The following RUNX1 variants were observed in gnomAD, a reference collection of about 807,000 sequenced individuals.
The protein encoded by RUNX1 is RUNX family transcription factor 1.
A neutral mutation model predicts 42.8 loss-of-function variants in RUNX1; 19 were observed. That is an observed-to-expected ratio of 0.44 (90% CI 0.31 to 0.65). The LOEUF (loss-of-function observed/expected upper bound fraction) is 0.65. RUNX1 is among the 30% of genes least tolerant of loss of function. The pLI, the probability that RUNX1 is intolerant of heterozygous loss-of-function variation, is 0.07. For synonymous variants in RUNX1, 271 were observed against 289.4 expected (o/e 0.94, Z 0.64); for missense variants, 528 against 672.0 (o/e 0.79, Z 2.37).
chr21:34,827,589 T>C (rs2057006204), intron 7 of RUNX1, among the ~76,000 whole-genome samples: 1 of 152,134 alleles, frequency 6.6e-6, no homozygotes, highest in Non-Finnish European at 1.5e-5. Flanking sequence ...CCCAGAGCTC[T>C]AGGAGGGTAG....
chr21:35,025,949 CTA>C (rs2059232959), intron 2 of RUNX1, among the ~76,000 whole-genome samples: 5 of 152,080 alleles, frequency 3.3e-5, no homozygotes, highest in Admixed American at 2.6e-4. Context: ...TGTTTCTACT[CTA>C]TGTTTTCGGA....
In RUNX1 at chr21:34,845,625, A is replaced by C. The variant is rs74739858; in HGVS notation, c.614-11024T>G. Among the ~76,000 whole-genome samples the C allele has an allele frequency of 2.1e-3, 324 of 152,300 alleles. 1 individual carries two copies. The highest frequency in any genetic ancestry group is 0.017 in the Middle Eastern group (5 of 294). On this transcript the variant is annotated intron_variant, in intron 6 of 8. Coordinates refer to ENST00000675419, the MANE Select transcript of RUNX1 (RefSeq NM_001754.5). The stretch of plus-strand genomic sequence containing the variant: ...GTGTGTGAAAGCAAGACCTCAGCTC[A>C]GGGAGACAGCCCTCATAAACTGCCG...
chr21:34,871,585 G>A (rs186774422), intron 5 of RUNX1, among the ~76,000 whole-genome samples: 1 of 152,222 alleles, frequency 6.6e-6, no homozygotes, highest in East Asian at 1.9e-4. Context: ...AAATCATCGT[G>A]CCCTGAATCT....
rs549767659 is a variant in RUNX1 at position 34,938,554 on chromosome 21, TCTCTTCCTTCTCCTC to T, written c.59-45606_59-45592del. Among the ~76,000 whole-genome samples, 15 of 152,110 alleles carry T rather than the reference TCTCTTCCTTCTCCTC, an allele frequency of 9.9e-5. No homozygotes were observed. The South Asian group carries it at 2.5e-3, about 25-fold the overall frequency. ...TCTCCTCCTTCTTCTTCCTCCTCCC[TCTCTTCCTTCTCCTC>T]CTCTTCCTCCTTCTTTTATTCTTGG... is the stretch of plus-strand genomic sequence containing the variant. On this transcript the variant is annotated intron_variant, in intron 2 of 8. Transcript: ENST00000675419.
At chr21:34,943,410 G>A (rs565182061) in intron 2 of RUNX1, among the ~76,000 whole-genome samples, 2 of 152,270 alleles carry the variant, frequency 1.3e-5, no homozygotes, top group Admixed American at 1.3e-4. Context: ...AACAAAGGAT[G>A]CTTAAAACAT....
intron 7 of RUNX1, among the ~76,000 whole-genome samples, chr21:34,820,853 C>G (rs533021140): frequency 6.6e-6 from 1 of 152,228 alleles, no homozygotes; most frequent in South Asian, 2.1e-4. Flanking sequence ...CTGAGGCTAC[C>G]TCTGAGGCAG....
chr21:34,798,654 C>G (rs1446995126), intron 8 of RUNX1, among the ~76,000 whole-genome samples: 2 of 152,124 alleles, frequency 1.3e-5, no homozygotes, highest in Non-Finnish European at 2.9e-5. Context: ...ACAGACTTTT[C>G]TTCTTGTCAT....
chr21:34,845,810 A>C (rs2057306772), intron 6 of RUNX1, among the ~76,000 whole-genome samples: 1 of 151,966 alleles, frequency 6.6e-6, no homozygotes, highest in Admixed American at 6.6e-5. Context: ...TAGGATTTTG[A>C]AAGCAGGGCC....
At chr21:34,805,258 T>C (rs969148977) in intron 7 of RUNX1, among the ~76,000 whole-genome samples, 1 of 152,140 alleles carries the variant, frequency 6.6e-6, no homozygotes, top group East Asian at 1.9e-4. Context: ...TAATGTGTAA[T>C]TGGAATACCA....
At chr21:35,028,403 G>T (rs1426290971) in intron 2 of RUNX1, among the ~76,000 whole-genome samples, 1 of 152,200 alleles carries the variant, frequency 6.6e-6, no homozygotes, top group East Asian at 1.9e-4. Context: ...GCTGTTCACA[G>T]GCGAGCCTCA....
At chr21:34,881,599 A>T (rs1485713136) in intron 4 of RUNX1, among the ~76,000 whole-genome samples, 4 of 152,158 alleles carry the variant, frequency 2.6e-5, no homozygotes, top group Non-Finnish European at 4.4e-5. Context: ...TCATGTCCTC[A>T]CAGATGCCTG....
intron 6 of RUNX1, among the ~76,000 whole-genome samples, chr21:34,836,207 CAGG>C (rs1410813419): frequency 6.6e-6 from 1 of 152,242 alleles, no homozygotes; most frequent in African/African-American, 2.4e-5. Flanking sequence ...CAGCCCACAA[CAGG>C]AGACTTGAAC....
chr21:34,796,582 T>G (rs2056530539), intron 8 of RUNX1, among the ~76,000 whole-genome samples: 1 of 152,196 alleles, frequency 6.6e-6, no homozygotes, highest in Non-Finnish European at 1.5e-5. Flanking sequence ...GTTGGAAGTG[T>G]TTTCCCATTG....
At chr21:34,885,325 T>G (rs1045167817) in intron 4 of RUNX1, among the ~76,000 whole-genome samples, 1 of 152,128 alleles carries the variant, frequency 6.6e-6, no homozygotes, top group Non-Finnish European at 1.5e-5. Context: ...GCGGGTGCCC[T>G]AAAGAGTCAT....
At chr21:34,915,913 T>G (rs1424815959) in intron 2 of RUNX1, among the ~76,000 whole-genome samples, 2 of 152,176 alleles carry the variant, frequency 1.3e-5, no homozygotes, top group African/African-American at 4.8e-5. Context: ...GTGAAAAGCT[T>G]TTACCCAGAG....
intron 2 of RUNX1, among the ~76,000 whole-genome samples, chr21:34,929,547 C>A (rs915957861): frequency 6.6e-6 from 1 of 152,100 alleles, no homozygotes; most frequent in South Asian, 2.1e-4. Context: ...TGCCAAGATG[C>A]CCAGATCAAT....
intron 6 of RUNX1, among the ~76,000 whole-genome samples, chr21:34,840,986 T>A (rs1368059612): frequency 6.6e-6 from 1 of 152,120 alleles, no homozygotes; most frequent in Non-Finnish European, 1.5e-5. Flanking sequence ...AGTGGGACAT[T>A]AAACACACCT....
intron 2 of RUNX1, among the ~76,000 whole-genome samples, chr21:34,992,698 A>C (rs978190138): frequency 2.6e-5 from 4 of 152,030 alleles, no homozygotes; most frequent in Admixed American, 6.5e-5. Context: ...AGAAAAAAAA[A>C]AACAACCCAA....
chr21:34,894,359 AT>A (rs1175611066), intron 2 of RUNX1, among the ~76,000 whole-genome samples: 3 of 152,202 alleles, frequency 2.0e-5, no homozygotes, highest in African/African-American at 7.2e-5. Flanking sequence ...AAATGCCAGG[AT>A]TTTTTAAACC....
Sources: allele counts gnomAD v4.1 joint callset (sites outside exome capture counted in the v4.1 genomes callset), GRCh38; gene constraint gnomAD v4.1.1; transcripts MANE v1.5; gene names NCBI Gene and HGNC (gene_info 2026-07-23, HGNC 2026-07-21).